TSHZ2: variants seen among roughly 807,000 people sequenced by gnomAD.
TSHZ2 encodes teashirt zinc finger homeobox 2.
In TSHZ2, 21 loss-of-function variants were observed where a neutral mutation model predicts 74.4. The observed-to-expected ratio is 0.28, with a 90% CI of 0.20 to 0.41. The LOEUF is 0.41. Among genes scored for constraint, TSHZ2 ranks in the 10% least tolerant of loss-of-function variants. The probability of loss-of-function intolerance (pLI) is 1.00; values close to 1 mark genes in which losing one functional copy is unlikely to be tolerated. For missense variants in TSHZ2, 1,244 were observed against 1,293.5 expected, an observed-to-expected ratio of 0.96 and a Z score of 0.59; for synonymous variants, 540 against 515.3, an observed-to-expected ratio of 1.05 and a Z score of -0.65.
At chr20:53,183,887 C>T (rs1157946149) in intron 1 of TSHZ2, among the ~76,000 whole-genome samples, 2 of 152,182 alleles carry the variant, frequency 1.3e-5, no homozygotes, top group East Asian at 3.8e-4. Flanking sequence ...AGATTGCATC[C>T]ACTTCTCTGG....
chr20:53,102,735 T>C (rs1384689279), intron 1 of TSHZ2, among the ~76,000 whole-genome samples: 1 of 152,222 alleles, frequency 6.6e-6, no homozygotes, highest in Non-Finnish European at 1.5e-5. Flanking sequence ...AAAAAGTTAT[T>C]ATGGTAGAAC....
chr20:53,195,677 C>T (rs1988845857), intron 1 of TSHZ2, among the ~76,000 whole-genome samples: 1 of 152,210 alleles, frequency 6.6e-6, no homozygotes, highest in South Asian at 2.1e-4. Flanking sequence ...CACTTTCCAG[C>T]ATACAAAGTG....
chr20:53,259,796 GGC>G (rs1364001353), intron 2 of TSHZ2, among the ~76,000 whole-genome samples: 2 of 152,034 alleles, frequency 1.3e-5, no homozygotes, highest in African/African-American at 2.4e-5. Flanking sequence ...ATATTGCATG[GGC>G]CATACTTATA....
chr20:53,214,047 C>T (rs1245414996), intron 1 of TSHZ2, among the ~76,000 whole-genome samples: 1 of 152,160 alleles, frequency 6.6e-6, no homozygotes, highest in Non-Finnish European at 1.5e-5. Context: ...GCTTCAAATT[C>T]AGTGTGAAAA....
At chr20:53,467,484 A>G (rs79855881) in intron 2 of TSHZ2, among the ~76,000 whole-genome samples, 5,523 of 152,348 alleles carry the variant, frequency 0.036, 138 homozygotes, top group Non-Finnish European at 0.052. Flanking sequence ...TATAAAAGAA[A>G]TAATAGAAAT....
In TSHZ2 at chr20:53,246,048, T is replaced by G. The variant is rs150808264; in HGVS notation, c.41-7451T>G. On this transcript the variant is annotated intron_variant, in intron 1 of 2. Coordinates refer to ENST00000371497, the MANE Select transcript of TSHZ2 (RefSeq NM_173485.6). Reference sequence around the variant, plus strand: ...TCTTTCTTTCTTTCTTTCTTTTTTTTTTTTTGTTTGAGACAGAGTCTTGCT... The same window carrying G: ...TCTTTCTTTCTTTCTTTCTTTTTTTGTTTTTGTTTGAGACAGAGTCTTGCT... Among the ~76,000 whole-genome samples, 38 of 150,186 alleles carry G rather than the reference T, an allele frequency of 2.5e-4. 1 individual carries two copies. The highest frequency in any genetic ancestry group is 3.4e-3 in the Middle Eastern group (1 of 292).
chr20:53,269,130 A>C (rs572960759), intron 2 of TSHZ2, among the ~76,000 whole-genome samples: 2 of 152,302 alleles, frequency 1.3e-5, no homozygotes, highest in East Asian at 3.9e-4. Context: ...GATAGTGTAC[A>C]GGGGTGGGGG....
At chr20:53,340,680 C>T (rs989011082) in intron 2 of TSHZ2, among the ~76,000 whole-genome samples, 4 of 152,234 alleles carry the variant, frequency 2.6e-5, no homozygotes, top group African/African-American at 7.2e-5. Context: ...GATTCTGTCT[C>T]TTCCAGGACG....
chr20:53,481,100 A>G (rs757210398), intron 2 of TSHZ2, among the ~76,000 whole-genome samples: 39 of 152,180 alleles, frequency 2.6e-4, no homozygotes, highest in Admixed American at 4.6e-4. Flanking sequence ...GGCAACTAAC[A>G]GTATCCACTT....
In TSHZ2 at chr20:53,024,110, T is replaced by G. The variant is rs544966225; in HGVS notation, c.40+50777T>G. Among the ~76,000 whole-genome samples the G allele has an allele frequency of 2.6e-5, 4 of 152,036 alleles. No individual in the cohort carries two copies. In the East Asian group the frequency reaches 7.7e-4, roughly 29 times the overall value. On this transcript the variant is annotated intron_variant, in intron 1 of 2. Coordinates refer to ENST00000371497, the MANE Select transcript of TSHZ2 (RefSeq NM_173485.6). ...ATTCATTCCACCCTCTTATTTTTTTTTTGAGTCAAAAAACAAAAAAGCTGT... is the reference window on the plus strand; with the variant it reads ...ATTCATTCCACCCTCTTATTTTTTTGTTGAGTCAAAAAACAAAAAAGCTGT...
At chr20:53,293,586 GA>G (rs916199440) in intron 2 of TSHZ2, among the ~76,000 whole-genome samples, 1 of 151,764 alleles carries the variant, frequency 6.6e-6, no homozygotes, top group Non-Finnish European at 1.5e-5. Flanking sequence ...GACACTTTGA[GA>G]AGGGGGAAGG....
At chr20:53,229,812 GGAAAAAAAGA>G (rs983187772) in intron 1 of TSHZ2, among the ~76,000 whole-genome samples, 15 of 142,102 alleles carry the variant, frequency 1.1e-4, no homozygotes, top group Middle Eastern at 3.9e-3. Flanking sequence ...AAGGAAGGAA[GGAAAAAAAGA>G]GGGAGGAAGA....
intron 1 of TSHZ2, among the ~76,000 whole-genome samples, chr20:53,208,913 C>G (rs1235210127): frequency 6.6e-6 from 1 of 152,164 alleles, no homozygotes; most frequent in Non-Finnish European, 1.5e-5. Context: ...GCAGCTGATC[C>G]CAGAGAGCCT....
intron 2 of TSHZ2, among the ~76,000 whole-genome samples, chr20:53,445,575 T>C (rs1466927145): frequency 6.6e-6 from 1 of 152,242 alleles, no homozygotes; most frequent in Non-Finnish European, 1.5e-5. Context: ...ACTGACTTTT[T>C]TGAGCACTCT....
At chr20:53,113,494 G>A (rs1374859780) in intron 1 of TSHZ2, among the ~76,000 whole-genome samples, 1 of 152,158 alleles carries the variant, frequency 6.6e-6, no homozygotes, top group Non-Finnish European at 1.5e-5. Context: ...ACATTTACCT[G>A]ATTGCTACTT....
intron 1 of TSHZ2, among the ~76,000 whole-genome samples, chr20:53,199,219 T>A (rs1988942259): frequency 6.6e-6 from 1 of 152,196 alleles, no homozygotes; most frequent in Non-Finnish European, 1.5e-5. Flanking sequence ...GACATGTGGC[T>A]GGGAGCAGTG....
rs541991507 is a variant in TSHZ2 at position 53,026,079 on chromosome 20, C to T, written c.40+52746C>T. On this transcript the variant is annotated intron_variant, in intron 1 of 2. Coordinates refer to ENST00000371497, the MANE Select transcript of TSHZ2 (RefSeq NM_173485.6). ...TCCTCTCTAAGCAGGAAATTATTCC[C>T]AACCCTAAGTTAGTGAAACCAAAGC... Among the ~76,000 whole-genome samples, 5 of 152,278 alleles carry T rather than the reference C, an allele frequency of 3.3e-5. No homozygotes were observed. In the South Asian group the frequency reaches 1.0e-3, roughly 32 times the overall value.
At chr20:53,115,690 G>A (rs1418663675) in intron 1 of TSHZ2, among the ~76,000 whole-genome samples, 1 of 152,108 alleles carries the variant, frequency 6.6e-6, no homozygotes, top group Non-Finnish European at 1.5e-5. Flanking sequence ...GAGGGAACAG[G>A]TGTTTTAATT....
chr20:53,013,432 A>G (rs978455581), intron 1 of TSHZ2, among the ~76,000 whole-genome samples: 1 of 152,184 alleles, frequency 6.6e-6, no homozygotes, highest in Non-Finnish European at 1.5e-5. Flanking sequence ...AGAATTTTAA[A>G]TGACACTACT....
Sources: gnomAD v4.1 joint callset for allele counts (sites outside exome capture counted in the v4.1 genomes callset) on GRCh38, gnomAD v4.1.1 for gene constraint, MANE v1.5 for transcripts, NCBI Gene and HGNC (gene_info 2026-07-23, HGNC 2026-07-21) for gene names.